The following SCNN1G variants were observed in gnomAD, a reference collection of about 807,000 sequenced individuals.
SCNN1G encodes the protein sodium channel epithelial 1 subunit gamma.
Under a neutral mutation model 64.6 loss-of-function variants are expected in SCNN1G, and 27 were observed. The observed-to-expected ratio is 0.42, with a 90% CI of 0.31 to 0.58. The LOEUF (loss-of-function observed/expected upper bound fraction) is 0.58, where lower values mean the gene tolerates loss of function less well. Among genes scored for constraint, SCNN1G ranks in the 20% least tolerant of loss-of-function variants. The pLI, the probability that SCNN1G is intolerant of heterozygous loss-of-function variation, is 0.18. For missense variants in SCNN1G, 743 were observed against 823.4 expected (o/e 0.90, Z 1.19); for synonymous variants, 330 against 314.2 (o/e 1.05, Z -0.53).
intron 5 of SCNN1G, among the ~76,000 whole-genome samples, chr16:23,196,756 C>G (rs1959801194): frequency 6.6e-6 from 1 of 152,176 alleles, no homozygotes; most frequent in Non-Finnish European, 1.5e-5. Flanking sequence ...CCCATGTGCA[C>G]TGATACTGTG....
At chr16:23,194,000 C>A (rs981237183) in intron 4 of SCNN1G, among the ~76,000 whole-genome samples, 171 bp from the exon 5 acceptor site, 2 of 152,064 alleles carry the variant, frequency 1.3e-5, no homozygotes, top group South Asian at 4.2e-4. Flanking sequence ...TGTGTGTCAA[C>A]CAGGATGAGG....
chr16:23,202,760 G>A (rs992664390), intron 6 of SCNN1G, among the ~76,000 whole-genome samples: 1 of 152,196 alleles, frequency 6.6e-6, no homozygotes, highest in African/African-American at 2.4e-5. Context: ...GCCGGGGGAA[G>A]TTAGATTGAT....
Position 23,212,679 on chromosome 16 carries a change from G to A in SCNN1G, c.1296G>A (p.Met432Ile). Residue 432 changes from methionine to isoleucine, a missense_variant and splice_region_variant, in exon 9 of 13, where the codon ATG becomes ATA. By Grantham distance (10) the Met-to-Ile change is conservative. Transcript: ENST00000300061. ...GCTGCCCTCTCCCTTGTCCCTCAGT[G>A]TATTGTTACTACCAACTGCATCGAG... ...YCNYQQHPNWMYCYYQLHRAF... is the reference protein window; with the variant it reads ...YCNYQQHPNWIYCYYQLHRAF... The A allele has an allele frequency of 6.2e-7, 1 of 1,613,594 alleles. No individual in the cohort carries two copies. The highest frequency in any genetic ancestry group is 1.1e-5 in the South Asian group (1 of 91,068).
At chr16:23,195,554 G>A (rs571464146) in intron 5 of SCNN1G, among the ~76,000 whole-genome samples, 10 of 152,204 alleles carry the variant, frequency 6.6e-5, no homozygotes, top group Non-Finnish European at 1.2e-4. Flanking sequence ...TGTAGTCTGT[G>A]CTCTTACTAA....
intron 6 of SCNN1G, 69 bp downstream of exon 6, chr16:23,197,496 G>A (rs1380195802): frequency 1.4e-6 from 2 of 1,395,666 alleles, no homozygotes; most frequent in African/African-American, 1.4e-5. Flanking sequence ...GATAACCAAT[G>A]GGGTGCAGCT....
chr16:23,201,674 C>G (rs1001648330), intron 6 of SCNN1G, among the ~76,000 whole-genome samples: 2 of 152,154 alleles, frequency 1.3e-5, no homozygotes, highest in Non-Finnish European at 2.9e-5. Context: ...TAGGCTCAGT[C>G]AGGCTGGCCA....
chr16:23,199,913 C>T (rs1012731297), intron 6 of SCNN1G, among the ~76,000 whole-genome samples: 7 of 151,974 alleles, frequency 4.6e-5, no homozygotes, highest in South Asian at 4.2e-4. Flanking sequence ...CCTTGTGATC[C>T]GCCCGCCTCA....
At chr16:23,205,172 ATT>A (rs1959969753) in intron 6 of SCNN1G, among the ~76,000 whole-genome samples, 2 of 152,228 alleles carry the variant, frequency 1.3e-5, no homozygotes, top group Middle Eastern at 3.4e-3. Context: ...TGGGAATCTG[ATT>A]TCAGACTTGT....
chr16:23,204,322 TATATATATATATAGAG>T (rs1177436009), intron 6 of SCNN1G, among the ~76,000 whole-genome samples: 19 of 75,352 alleles, frequency 2.5e-4, no homozygotes, highest in East Asian at 4.1e-4. Flanking sequence ...TATATATATA[TATATATATATATAGAG>T]AGAGAGAGAG....
intron 10 of SCNN1G, 85 bp downstream of exon 10, chr16:23,212,979 C>A: frequency 6.5e-7 from 1 of 1,537,406 alleles, no homozygotes; most frequent in Non-Finnish European, 9.0e-7. Context: ...TGGCCTGGGA[C>A]ATGGTCCAGG....
In SCNN1G at chr16:23,215,508, C is replaced by T; in HGVS notation, c.*39C>T. ...AGACAGATCTAGTCAGGACCACCAG[C>T]CATGGTCTAAGGACATGGATCGGGT... On this transcript the variant is annotated 3_prime_UTR_variant, in exon 13 of 13. Transcript: ENST00000300061. 6.2e-7 allele frequency: 1 copy of T among 1,600,530 alleles called. No homozygotes were observed. Among genetic ancestry groups the T allele is most frequent in the South Asian group, 1.1e-5 (1 of 91,058 alleles).
intron 11 of SCNN1G, 89 bp downstream of exon 11, chr16:23,213,252 C>CTTTTTTTT: frequency 3.7e-6 from 2 of 533,852 alleles, no homozygotes; most frequent in Non-Finnish European, 6.5e-6. Flanking sequence ...GCCAAATCCT[C>CTTTTTTTT]TTTTTTTTTT....
rs975234908 is a variant in SCNN1G at position 23,189,846 on chromosome 16, C to T, written c.618+175C>T. On this transcript the variant is annotated intron_variant, in intron 3 of 12. Coordinates refer to ENST00000300061, the MANE Select transcript of SCNN1G (RefSeq NM_001039.4). ...CAGCGCTTTGGGAGGCCAAGGCGGG[C>T]GAATCACCTGAGGTCAGGAGTTCGA... Among the ~76,000 whole-genome samples the T allele has an allele frequency of 3.9e-5, 6 of 152,156 alleles. No homozygotes were observed. In the East Asian group the frequency reaches 7.8e-4, roughly 20 times the overall value.
intron 6 of SCNN1G, among the ~76,000 whole-genome samples, chr16:23,198,597 G>A (rs911647246): frequency 4.0e-5 from 6 of 151,330 alleles, no homozygotes; most frequent in African/African-American, 1.5e-4. Context: ...AAATCACCAG[G>A]CATGGTGGCA....
At chr16:23,201,912 G>T (rs1959895872) in intron 6 of SCNN1G, among the ~76,000 whole-genome samples, 1 of 152,116 alleles carries the variant, frequency 6.6e-6, no homozygotes, top group African/African-American at 2.4e-5. Flanking sequence ...GACCACCTGG[G>T]GTCATGGGAT....
intron 1 of SCNN1G, among the ~76,000 whole-genome samples, chr16:23,183,793 T>C (rs1229219025): frequency 6.6e-6 from 1 of 152,202 alleles, no homozygotes; most frequent in East Asian, 1.9e-4. Flanking sequence ...CTGCCATTAT[T>C]GCTGCTTTCC....
rs768437751 is a variant in SCNN1G at position 23,215,330 on chromosome 16, C to T, written c.1811C>T (p.Thr604Ile). Residue 604 changes from threonine to isoleucine, a missense_variant, in exon 13 of 13, where the codon ACT becomes ATT. By Grantham distance (89) the Thr-to-Ile change is moderately conservative. Transcript: ENST00000300061. ...CTGGATATAGACGATGACCTACCCA[C>T]TTTCAACTCTGCTTTGCACCTGCCT... ...PALDIDDDLP[T>I]FNSALHLPPA... The T allele has an allele frequency of 7.4e-6, 12 of 1,614,066 alleles. No homozygotes were observed. Among genetic ancestry groups the T allele is most frequent in the African/African-American group, 2.7e-5 (2 of 74,932 alleles).
rs1449743632 is a variant in SCNN1G at position 23,215,649 on chromosome 16, A to T, written c.*180A>T. 3.0e-6 allele frequency: 2 copies of T among 675,214 alleles called. No individual in the cohort carries two copies. Among genetic ancestry groups the T allele is most frequent in the African/African-American group, 3.6e-5 (2 of 55,916 alleles). The allele number at this position is 675,214 out of a possible 1,614,324, so 41.8% of individuals were successfully genotyped here. On this transcript the variant is annotated 3_prime_UTR_variant, in exon 13 of 13. Coordinates refer to ENST00000300061, the MANE Select transcript of SCNN1G (RefSeq NM_001039.4). Reference sequence around the variant, plus strand: ...GGCCTGGGCATGCGCAGGAGGAGCCATCGGGTACTACGCAGCAACACTCAC... The same window carrying T: ...GGCCTGGGCATGCGCAGGAGGAGCCTTCGGGTACTACGCAGCAACACTCAC...
chr16:23,202,248 A>T (rs1245448877), intron 6 of SCNN1G, among the ~76,000 whole-genome samples: 2 of 54,840 alleles, frequency 3.6e-5, no homozygotes, highest in Non-Finnish European at 6.4e-5. Flanking sequence ...TGACAGATGG[A>T]TGGGTGGGTG....
Sources: allele counts gnomAD v4.1 joint callset (sites outside exome capture counted in the v4.1 genomes callset), GRCh38; gene constraint gnomAD v4.1.1; transcripts MANE v1.5; gene names NCBI Gene and HGNC (gene_info 2026-07-23, HGNC 2026-07-21).